The following ULK4 variants were observed in gnomAD, a reference collection of about 807,000 sequenced individuals.
ULK4 encodes unc-51 like kinase 4.
Under a neutral mutation model 160.6 loss-of-function variants are expected in ULK4, and 133 were observed. The observed-to-expected ratio is 0.83, with a 90% CI of 0.72 to 0.96. ULK4 has a LOEUF of 0.96. Ranked by LOEUF, ULK4 falls within the 40% of genes least tolerant of loss-of-function variation. The pLI is 0.00. For missense variants in ULK4, 1,580 were observed against 1,499.5 expected, an observed-to-expected ratio of 1.05 and a Z score of -0.89; for synonymous variants, 534 against 539.8, an observed-to-expected ratio of 0.99 and a Z score of 0.15.
At chr3:41,337,361 CTT>C (rs2080583152) in intron 35 of ULK4, among the ~76,000 whole-genome samples, 1 of 152,128 alleles carries the variant, frequency 6.6e-6, no homozygotes, top group African/African-American at 2.4e-5. Flanking sequence ...TGTCATCTCT[CTT>C]GTCATTGTTG....
chr3:41,455,876 G>T (rs141269990), intron 33 of ULK4, among the ~76,000 whole-genome samples: 45 of 152,246 alleles, frequency 3.0e-4, no homozygotes, highest in African/African-American at 1.0e-3. Context: ...AGGAATAATG[G>T]TGATGTCCCA....
intron 34 of ULK4, among the ~76,000 whole-genome samples, chr3:41,408,404 G>T (rs1390181188): frequency 1.4e-5 from 2 of 138,924 alleles, no homozygotes; most frequent in African/African-American, 5.5e-5. Flanking sequence ...CTCCAGCCTG[G>T]GTGACAAAGT....
chr3:41,469,497 G>C (rs4408845), intron 32 of ULK4, among the ~76,000 whole-genome samples: 3,009 of 148,260 alleles, frequency 0.02, 109 homozygotes, highest in African/African-American at 0.072. Context: ...AAAGGCAGCA[G>C]CCCAGCCATC....
chr3:41,899,489 A>G (rs1349131372), intron 13 of ULK4, among the ~76,000 whole-genome samples: 1 of 152,228 alleles, frequency 6.6e-6, no homozygotes, highest in East Asian at 1.9e-4. Flanking sequence ...AACACAGAAT[A>G]TTGTCTAAAG....
At chr3:41,410,241 T>C (rs1346990849) in intron 34 of ULK4, among the ~76,000 whole-genome samples, 1 of 152,218 alleles carries the variant, frequency 6.6e-6, no homozygotes, top group Non-Finnish European at 1.5e-5. Flanking sequence ...TTCATAGCAA[T>C]GTTATTCATA....
At chr3:41,383,941 C>CCCTCAGGCATTAATATT (rs2081736082) in intron 35 of ULK4, among the ~76,000 whole-genome samples, 1 of 152,130 alleles carries the variant, frequency 6.6e-6, no homozygotes, top group African/African-American at 2.4e-5. Context: ...TAAAATTAAC[C>CCCTCAGGCATTAATATT]ACTTTGTTCC....
chr3:41,491,721 T>G (rs553125192), intron 32 of ULK4, among the ~76,000 whole-genome samples: 155 of 152,226 alleles, frequency 1.0e-3, no homozygotes, highest in African/African-American at 3.6e-3. Context: ...TCATTTGCTT[T>G]ATTTTTATTT....
chr3:41,336,372 C>A (rs925915623), intron 35 of ULK4, among the ~76,000 whole-genome samples: 1 of 152,192 alleles, frequency 6.6e-6, no homozygotes, highest in Non-Finnish European at 1.5e-5. Context: ...ACTTCAAGCT[C>A]CCTCTGAAAC....
chr3:41,250,254 T>G (rs2078720727), intron 35 of ULK4, among the ~76,000 whole-genome samples: 1 of 152,220 alleles, frequency 6.6e-6, no homozygotes, highest in Non-Finnish European at 1.5e-5. Context: ...TGAGTCCATG[T>G]CCTGAAAGGC....
At chr3:41,467,409 C>T (rs559333886) in intron 32 of ULK4, among the ~76,000 whole-genome samples, 4 of 152,070 alleles carry the variant, frequency 2.6e-5, no homozygotes, top group African/African-American at 2.4e-5. Flanking sequence ...ACACTATAAT[C>T]CCAGCGACTC....
intron 22 of ULK4, among the ~76,000 whole-genome samples, chr3:41,748,272 C>T: frequency 6.6e-6 from 1 of 150,864 alleles, no homozygotes; most frequent in East Asian, 1.9e-4. Flanking sequence ...TATATACACA[C>T]ACGATATATA....
At chr3:41,616,348 G>A (rs1428012061) in intron 30 of ULK4, among the ~76,000 whole-genome samples, 4 of 152,120 alleles carry the variant, frequency 2.6e-5, no homozygotes, top group Non-Finnish European at 5.9e-5. Flanking sequence ...ATCCAGGGAG[G>A]AGCCAAGATG....
At chr3:41,364,936 T>C (rs1046342236) in intron 35 of ULK4, among the ~76,000 whole-genome samples, 3 of 152,232 alleles carry the variant, frequency 2.0e-5, no homozygotes, top group East Asian at 3.8e-4. Flanking sequence ...CTCATTAAAA[T>C]GCAGATACTG....
rs1410042933 is a variant in ULK4, at chr3:41,759,619, T to C, written c.2194-5131A>G. ...AAATCCCAACAGGGCATTTTGTGGA[T>C]GTAAACTAAGTTTAAAATTTCTATG... On this transcript the variant is annotated intron_variant, in intron 21 of 36. Transcript: ENST00000301831. Among the ~76,000 whole-genome samples the C allele has an allele frequency of 2.6e-5, 4 of 152,312 alleles. No individual in the cohort carries two copies. In the East Asian group the frequency reaches 5.8e-4, roughly 22 times the overall value.
chr3:41,787,406 C>T (rs1037211541), intron 21 of ULK4, among the ~76,000 whole-genome samples: 1 of 152,148 alleles, frequency 6.6e-6, no homozygotes, highest in Admixed American at 6.5e-5. Context: ...AGCCTGACCT[C>T]GCACTCTCAC....
At chr3:41,720,432 C>T (rs1177965058) in intron 22 of ULK4, among the ~76,000 whole-genome samples, 3 of 147,456 alleles carry the variant, frequency 2.0e-5, no homozygotes, top group African/African-American at 7.8e-5. Context: ...AAATAAAAAA[C>T]TTCCACCTAG....
At chr3:41,550,245 A>C (rs560927946) in intron 32 of ULK4, among the ~76,000 whole-genome samples, 1 of 152,194 alleles carries the variant, frequency 6.6e-6, no homozygotes, top group African/African-American at 2.4e-5. Context: ...TATGCAAAAC[A>C]ACCAGAAGAT....
intron 27 of ULK4, among the ~76,000 whole-genome samples, chr3:41,700,310 G>C (rs1283051222): frequency 6.6e-6 from 1 of 152,164 alleles, no homozygotes; most frequent in Non-Finnish European, 1.5e-5. Context: ...AAGGTTATCA[G>C]TGGGACCCCT....
intron 27 of ULK4, among the ~76,000 whole-genome samples, chr3:41,693,479 A>C (rs576889979): frequency 1.6e-4 from 25 of 152,362 alleles, no homozygotes; most frequent in African/African-American, 5.8e-4. Flanking sequence ...CTTAATAAAG[A>C]GTGAGAAAAA....
Sources: gnomAD v4.1 joint callset for allele counts (sites outside exome capture counted in the v4.1 genomes callset) on GRCh38, gnomAD v4.1.1 for gene constraint, MANE v1.5 for transcripts, NCBI Gene and HGNC (gene_info 2026-07-23, HGNC 2026-07-21) for gene names.